CDK15: variants seen among roughly 807,000 people sequenced by gnomAD.
CDK15 encodes cyclin dependent kinase 15, also known as cyclin-dependent kinase 15.
Under a neutral mutation model 60.3 loss-of-function variants are expected in CDK15, and 62 were observed. That is an observed-to-expected ratio of 1.03 (90% confidence interval 0.84 to 1.27). The LOEUF (loss-of-function observed/expected upper bound fraction) is 1.27, where lower values mean the gene tolerates loss of function less well. Among genes scored for constraint, CDK15 ranks in the 50% most tolerant of loss-of-function variants. The pLI, the probability that CDK15 is intolerant of heterozygous loss-of-function variation, is 0.00. For missense variants in CDK15, 541 were observed against 527.8 expected, an observed-to-expected ratio of 1.03 and a Z score of -0.25; for synonymous variants, 194 against 195.7, an observed-to-expected ratio of 0.99 and a Z score of 0.07.
chr2:201,889,319 C>T, intron 12 of CDK15: 4 of 985,364 alleles, frequency 4.1e-6, no homozygotes, highest in Non-Finnish European at 4.8e-6. Context: ...TGGAAAGGGG[C>T]CCTGAGTAAA....
At chr2:201,887,751 T>C (rs13384521) in intron 12 of CDK15, among the ~76,000 whole-genome samples, 14,874 of 152,206 alleles carry the variant, frequency 0.098, 1,306 homozygotes, top group African/African-American at 0.23. Flanking sequence ...TAATCGGAAA[T>C]GTATGTGTAT....
chr2:201,863,128 G>A (rs890091244), intron 10 of CDK15, among the ~76,000 whole-genome samples: 7 of 152,150 alleles, frequency 4.6e-5, no homozygotes, highest in Admixed American at 6.6e-5. Flanking sequence ...TTATTAACCC[G>A]TCCCCCAAAT....
chr2:201,836,378 T>C (rs1436178224), intron 8 of CDK15, among the ~76,000 whole-genome samples: 2 of 151,102 alleles, frequency 1.3e-5, no homozygotes, highest in Non-Finnish European at 2.9e-5. Context: ...TTCTTGCAAT[T>C]ATTCTATAAC....
intron 12 of CDK15, among the ~76,000 whole-genome samples, chr2:201,887,370 ATTTCT>A (rs1484949501): frequency 1.3e-5 from 2 of 152,218 alleles, no homozygotes; most frequent in East Asian, 1.9e-4. Context: ...GTTGTAGGTC[ATTTCT>A]TTTCCTTTCT....
At chr2:201,812,747 ATTGAGAT>A (rs1377274142) in intron 4 of CDK15, among the ~76,000 whole-genome samples, 185 bp downstream of exon 4, 13 of 152,244 alleles carry the variant, frequency 8.5e-5, no homozygotes, top group African/African-American at 2.9e-4. Context: ...TTTTGAGGAA[ATTGAGAT>A]TTAAAACTAT....
At position 201,895,122 on chromosome 2, in the gene CDK15, A is replaced by G. The variant is rs1416281781; in HGVS notation, c.*1855A>G. 1 of 152,228 alleles carries G rather than the reference A, an allele frequency of 6.6e-6. No individual in the cohort carries two copies. The highest frequency in any genetic ancestry group is 1.5e-5 in the Non-Finnish European group (1 of 68,044). 9.4% of individuals were successfully genotyped at this position (152,228 alleles called of 1,614,324 possible). A position where few individuals can be genotyped will look rare whatever the true frequency, so the allele number is the denominator to read the frequency against. ...CATCAATACAAAGAGTTCCCACAAC[A>G]GTAGTGGGATTCCTCTGCCTCTCTG... On this transcript the variant is annotated 3_prime_UTR_variant, in exon 14 of 14. Transcript: ENST00000652192.
At chr2:201,824,727 G>T in intron 6 of CDK15, 1 of 565,934 alleles carries the variant, frequency 1.8e-6, no homozygotes, top group South Asian at 2.7e-5. Flanking sequence ...CAAAATGGCA[G>T]AATTCATATA....
chr2:201,863,394 ATAAT>A (rs1421957911), intron 10 of CDK15, among the ~76,000 whole-genome samples: 1 of 149,958 alleles, frequency 6.7e-6, no homozygotes, highest in Non-Finnish European at 1.5e-5. Context: ...TAATTAAAAA[ATAAT>A]AAATAAATGT....
chr2:201,890,568 T>A (rs1458652485), intron 12 of CDK15, among the ~76,000 whole-genome samples: 1 of 152,242 alleles, frequency 6.6e-6, no homozygotes, highest in Non-Finnish European at 1.5e-5. Context: ...AGTGTTCACT[T>A]GGTAAATATG....
chr2:201,814,526 C>T (rs559687938), intron 4 of CDK15, among the ~76,000 whole-genome samples: 22 of 152,202 alleles, frequency 1.4e-4, no homozygotes, highest in African/African-American at 4.6e-4. Context: ...AGGCTTTATT[C>T]GAAAACTTTG....
Position 201,833,774 on chromosome 2 carries a change from C to T in CDK15, c.607-74C>T, listed in dbSNP as rs1696874343. ...ACTTTTACTATATTCTTTGAGATGA[C>T]TGTTTTTGATTTAGAGGCGAAATCA... On this transcript the variant is annotated intron_variant, in intron 6 of 13. Transcript: ENST00000652192. The T allele has an allele frequency of 4.8e-6, 6 of 1,253,084 alleles. No homozygotes were observed. In the East Asian group the frequency reaches 2.3e-4, roughly 48 times the overall value. The allele number at this position is 1,253,084 out of a possible 1,614,324, so 77.6% of individuals were successfully genotyped here. A position where few individuals can be genotyped will look rare whatever the true frequency, so the allele number is the denominator to read the frequency against.
chr2:201,850,917 C>A (rs1019492568), intron 9 of CDK15, among the ~76,000 whole-genome samples: 1 of 152,098 alleles, frequency 6.6e-6, no homozygotes, highest in Non-Finnish European at 1.5e-5. Context: ...ATTTGTAGGT[C>A]ATCTTTTGAG....
At chr2:201,841,969 G>GT (rs1405394925) in intron 8 of CDK15, among the ~76,000 whole-genome samples, 3 of 152,020 alleles carry the variant, frequency 2.0e-5, no homozygotes, top group African/African-American at 4.8e-5. Context: ...GTGGTTTTTA[G>GT]TTTTTTGTAT....
At chr2:201,842,586 T>G (rs1697440503) in intron 8 of CDK15, among the ~76,000 whole-genome samples, 1 of 152,230 alleles carries the variant, frequency 6.6e-6, no homozygotes, top group African/African-American at 2.4e-5. Context: ...CATTTTGATA[T>G]TCTCCTTGCA....
intron 13 of CDK15, among the ~76,000 whole-genome samples, chr2:201,891,527 C>A (rs1699638961): frequency 6.6e-6 from 1 of 152,108 alleles, no homozygotes; most frequent in Non-Finnish European, 1.5e-5. Context: ...CCTGGGTAAA[C>A]CAGGATGGTT....
At chr2:201,829,064 C>T (rs768940611) in intron 6 of CDK15, among the ~76,000 whole-genome samples, 9 of 152,078 alleles carry the variant, frequency 5.9e-5, no homozygotes, top group Non-Finnish European at 1.0e-4. Flanking sequence ...ATATCACAGT[C>T]GTGCTATTTT....
rs1173429915 is a variant in CDK15 at position 201,846,573 on chromosome 2, T to C, written c.852-808T>C. 2.6e-5 allele frequency among the ~76,000 whole-genome samples: 4 copies of C among 152,098 alleles called. No individual in the cohort carries two copies. In the East Asian group the frequency reaches 7.7e-4, roughly 29 times the overall value. On this transcript the variant is annotated intron_variant, in intron 8 of 13. Coordinates refer to ENST00000652192, the MANE Select transcript of CDK15 (RefSeq NM_001366386.2). ...AGAAAAGTCCTTTTTTTTTCTTTTT[T>C]TTTTTAAACTCCTAGGAACCAAATG...
chr2:201,861,291 G>A (rs147539746), intron 10 of CDK15: 19 of 993,658 alleles, frequency 1.9e-5, no homozygotes, highest in African/African-American at 1.0e-4. Flanking sequence ...TGCCAAGATC[G>A]ATGCTGGGTG....
intron 11 of CDK15, chr2:201,876,434 T>C: frequency 2.1e-6 from 1 of 474,656 alleles, no homozygotes; most frequent in African/African-American, 2.0e-5. Flanking sequence ...ATCCTAATGG[T>C]CTTGCTACCA....
Sources: gnomAD v4.1 joint callset for allele counts (sites outside exome capture counted in the v4.1 genomes callset) on GRCh38, gnomAD v4.1.1 for gene constraint, MANE v1.5 for transcripts, NCBI Gene and HGNC (gene_info 2026-07-23, HGNC 2026-07-21) for gene names.